KAZN: variants seen among roughly 807,000 people sequenced by gnomAD.
The protein encoded by KAZN is kazrin, periplakin interacting protein, also known as kazrin.
A neutral mutation model predicts 87.4 loss-of-function variants in KAZN; 40 were observed. The observed-to-expected ratio is 0.46, with a 90% confidence interval of 0.36 to 0.60. The LOEUF is 0.60. Among genes scored for constraint, KAZN ranks in the 20% least tolerant of loss-of-function variants. The pLI, the probability that KAZN is intolerant of heterozygous loss-of-function variation, is 0.00. For synonymous variants in KAZN, 466 were observed against 458.3 expected (o/e 1.02, Z -0.22); for missense variants, 898 against 1,073.9 (o/e 0.84, Z 2.29).
chr1:14,458,924 C>T (rs1248396590), intron 2 of KAZN, among the ~76,000 whole-genome samples: 1 of 152,098 alleles, frequency 6.6e-6, no homozygotes, highest in African/African-American at 2.4e-5. Flanking sequence ...TAAAATTGGA[C>T]TCAGTCTTTG....
At chr1:13,979,151 G>A (rs142212143) in intron 1 of KAZN, among the ~76,000 whole-genome samples, 1 of 150,136 alleles carries the variant, frequency 6.7e-6, no homozygotes, top group Non-Finnish European at 1.5e-5. Flanking sequence ...AAATTTTTAT[G>A]CTCATTGAAA....
In KAZN at chr1:14,856,844, T is replaced by C. The variant is rs995165522; in HGVS notation, c.227-103840T>C. Among the ~76,000 whole-genome samples the C allele has an allele frequency of 3.3e-5, 5 of 152,216 alleles. No homozygotes were observed. The highest frequency in any genetic ancestry group is 2.0e-4 in the Admixed American group (3 of 15,284). On this transcript the variant is annotated intron_variant, in intron 1 of 14. Coordinates refer to ENST00000376030, the MANE Select transcript of KAZN (RefSeq NM_201628.3). The surrounding 1 kb of genome is among the most constrained non-coding windows in gnomAD (Gnocchi z 5.2). Reference sequence around the variant, plus strand: ...CGGAACTCAGACTTTTTTCCTCTGTTGTCATCCTTTGATGCTTCTCCTTGG... The same window carrying C: ...CGGAACTCAGACTTTTTTCCTCTGTCGTCATCCTTTGATGCTTCTCCTTGG...
At chr1:15,037,920 TCCCTGAGAACACATG>T (rs902045478) in intron 3 of KAZN, among the ~76,000 whole-genome samples, 5 of 151,974 alleles carry the variant, frequency 3.3e-5, no homozygotes, top group Non-Finnish European at 5.9e-5. Context: ...AAGAAAGAGC[TCCCTGAGAACACATG>T]CCCTGAAGGA....
exon 1 of KAZN, chr1:13,893,708 G>C (rs755496544): frequency 6.4e-7 from 1 of 1,550,494 alleles, no homozygotes; most frequent in Admixed American, 2.0e-5. Flanking sequence ...CACAGGCCCC[G>C]TCACCTTCTC....
At chr1:14,012,626 G>A (rs1464400662) in intron 1 of KAZN, among the ~76,000 whole-genome samples, 3 of 152,122 alleles carry the variant, frequency 2.0e-5, no homozygotes, top group Non-Finnish European at 4.4e-5. Flanking sequence ...CCAACATGGC[G>A]AAACTTCATC....
At chr1:14,541,387 G>T (rs1200107843) in intron 2 of KAZN, among the ~76,000 whole-genome samples, 1 of 152,170 alleles carries the variant, frequency 6.6e-6, no homozygotes, top group Non-Finnish European at 1.5e-5. Context: ...GTGAATATGT[G>T]TTCTTCCCAT....
chr1:14,445,431 T>C (rs1265337938), intron 2 of KAZN, among the ~76,000 whole-genome samples: 2 of 152,098 alleles, frequency 1.3e-5, no homozygotes, highest in African/African-American at 2.4e-5. Flanking sequence ...ATCTATGAGC[T>C]AAGGAATGTC....
intron 1 of KAZN, among the ~76,000 whole-genome samples, chr1:14,656,459 T>C (rs1199110410): frequency 6.6e-6 from 1 of 152,196 alleles, no homozygotes; most frequent in East Asian, 1.9e-4. Context: ...CAGTTTTGAG[T>C]ACTTACGTGC....
chr1:14,634,319 G>A (rs893239777), intron 1 of KAZN, among the ~76,000 whole-genome samples: 2 of 152,164 alleles, frequency 1.3e-5, no homozygotes, highest in African/African-American at 4.8e-5. Context: ...AATAAAAGCT[G>A]AAAGATCACT....
chr1:13,970,247 G>T (rs900705751), intron 1 of KAZN, among the ~76,000 whole-genome samples: 2 of 152,210 alleles, frequency 1.3e-5, no homozygotes, highest in Non-Finnish European at 2.9e-5. Context: ...GTCAGTGAAT[G>T]ATTAAGGCAT....
In KAZN at chr1:14,549,613, CTT is replaced by C. The variant is rs5772587; in HGVS notation, c.250-49356_250-49355del. Reference sequence around the variant, plus strand: ...TGGTTAGGAGTTCTCCAGGCAACCCCTTTTTTTTTTTTTTTATTCAGGACAAG... The same window carrying C: ...TGGTTAGGAGTTCTCCAGGCAACCCCTTTTTTTTTTTTTATTCAGGACAAG... On this transcript the variant is annotated intron_variant, in intron 2 of 16. Transcript: ENST00000636203. Among the ~76,000 whole-genome samples the C allele has an allele frequency of 6.7e-5, 9 of 135,152 alleles. No individual in the cohort carries two copies. In the South Asian group the frequency reaches 1.5e-3, roughly 22 times the overall value. The allele number at this position is 135,152 out of a possible 152,430, so 88.7% of individuals were successfully genotyped here. A position where few individuals can be genotyped will look rare whatever the true frequency, so the allele number is the denominator to read the frequency against.
chr1:13,990,193 A>G (rs1004156155), intron 1 of KAZN, among the ~76,000 whole-genome samples: 1 of 152,220 alleles, frequency 6.6e-6, no homozygotes, highest in Non-Finnish European at 1.5e-5. Flanking sequence ...AAGAGAAATG[A>G]AAACACACAT....
At chr1:14,210,118 T>C (rs1354301979) in intron 2 of KAZN, among the ~76,000 whole-genome samples, 1 of 152,184 alleles carries the variant, frequency 6.6e-6, no homozygotes, top group Non-Finnish European at 1.5e-5. Context: ...CATCTTGAAT[T>C]GTAGCTCCTA....
At chr1:15,113,516 A>T (rs1008680687) in intron 14 of KAZN, 1 of 152,234 alleles carries the variant, frequency 6.6e-6, no homozygotes, top group East Asian at 1.9e-4. Context: ...CAAAGCACTA[A>T]TGTGACTACT....
intron 1 of KAZN, among the ~76,000 whole-genome samples, chr1:14,744,800 T>C (rs1644215639): frequency 6.6e-6 from 1 of 152,046 alleles, no homozygotes; most frequent in Non-Finnish European, 1.5e-5. Context: ...AGTAAATAAC[T>C]AGAAGGATTT....
intron 1 of KAZN, among the ~76,000 whole-genome samples, chr1:14,813,835 G>A (rs912546951): frequency 2.0e-5 from 3 of 152,146 alleles, no homozygotes; most frequent in Admixed American, 6.5e-5. Context: ...TTCAGGGGTC[G>A]TGTTGAGAAT....
chr1:14,241,877 G>T (rs1648966692), intron 2 of KAZN, among the ~76,000 whole-genome samples: 1 of 152,220 alleles, frequency 6.6e-6, no homozygotes, highest in South Asian at 2.1e-4. Flanking sequence ...AGAGTATGAT[G>T]TTTGCTTTCT....
intron 4 of KAZN, among the ~76,000 whole-genome samples, chr1:15,048,563 T>A (rs1344937190): frequency 2.0e-5 from 3 of 152,100 alleles, no homozygotes; most frequent in Non-Finnish European, 4.4e-5. Context: ...TTGTTGGTCC[T>A]GGGTCGTTGA....
intron 1 of KAZN, among the ~76,000 whole-genome samples, chr1:14,608,635 A>G (rs993386065): frequency 6.6e-6 from 1 of 152,172 alleles, no homozygotes. Context: ...TCTTAAGGAG[A>G]AGGAAGATGT....
Sources: gnomAD v4.1 joint callset for allele counts (sites outside exome capture counted in the v4.1 genomes callset) on GRCh38, gnomAD v4.1.1 for gene constraint, Gnocchi (gnomAD v3.1) non-coding constraint, MANE v1.5 for transcripts, NCBI Gene and HGNC (gene_info 2026-07-23, HGNC 2026-07-21) for gene names.